The following SLC35F3 variants were observed in gnomAD, a reference collection of about 807,000 sequenced individuals.
SLC35F3 encodes the protein putative thiamine transporter SLC35F3.
In SLC35F3, 25 loss-of-function variants were observed where a neutral mutation model predicts 49.9. The observed-to-expected ratio is 0.50, with a 90% CI of 0.37 to 0.70. The LOEUF (loss-of-function observed/expected upper bound fraction) is 0.70, where lower values mean the gene tolerates loss of function less well. Among genes scored for constraint, SLC35F3 ranks in the 30% least tolerant of loss-of-function variants. The pLI, the probability that SLC35F3 is intolerant of heterozygous loss-of-function variation, is 0.00. For missense variants in SLC35F3, 525 were observed against 639.8 expected (o/e 0.82, Z 1.94); for synonymous variants, 275 against 265.4 (o/e 1.04, Z -0.35).
At chr1:234,091,813 G>C (rs1665047904) in intron 2 of SLC35F3, among the ~76,000 whole-genome samples, 1 of 152,152 alleles carries the variant, frequency 6.6e-6, no homozygotes, top group Non-Finnish European at 1.5e-5. Context: ...AGTTGTTTTA[G>C]TATCCATGGG....
chr1:234,285,497 T>G, intron 3 of SLC35F3: 1 of 385,512 alleles, frequency 2.6e-6, no homozygotes, highest in South Asian at 2.0e-5. Context: ...AATTTTGGGG[T>G]GCCATCTATG....
chr1:233,907,318 C>T (rs1444973236), intron 2 of SLC35F3, among the ~76,000 whole-genome samples: 1 of 152,208 alleles, frequency 6.6e-6, no homozygotes, highest in Non-Finnish European at 1.5e-5. Flanking sequence ...TGGAAGTTAT[C>T]ACCAAGGTTT....
At chr1:233,925,091 G>A (rs1323174845) in intron 2 of SLC35F3, among the ~76,000 whole-genome samples, 1 of 152,208 alleles carries the variant, frequency 6.6e-6, no homozygotes, top group East Asian at 1.9e-4. Context: ...GTGTGGTGCT[G>A]AGAAGAATGT....
intron 2 of SLC35F3, among the ~76,000 whole-genome samples, chr1:234,045,582 T>G (rs930409605): frequency 3.3e-5 from 5 of 152,150 alleles, no homozygotes; most frequent in Non-Finnish European, 5.9e-5. Context: ...CTCTAGAACT[T>G]GCACTTGTAA....
chr1:233,974,410 G>C (rs1040426883), intron 2 of SLC35F3, among the ~76,000 whole-genome samples: 5 of 151,944 alleles, frequency 3.3e-5, no homozygotes, highest in Non-Finnish European at 7.4e-5. Context: ...TCAAACTCCT[G>C]ACCTCAGGTG....
At chr1:234,204,999 C>T (rs1419411514) in intron 2 of SLC35F3, among the ~76,000 whole-genome samples, 1 of 152,236 alleles carries the variant, frequency 6.6e-6, no homozygotes, top group Non-Finnish European at 1.5e-5. Flanking sequence ...AGTGCAATTT[C>T]TTATGAATAC....
intron 2 of SLC35F3, among the ~76,000 whole-genome samples, chr1:234,130,184 G>T (rs917268037): frequency 2.6e-5 from 4 of 152,060 alleles, no homozygotes; most frequent in African/African-American, 9.7e-5. Context: ...CAAACAAGTT[G>T]ATTTTAAAAT....
intron 2 of SLC35F3, among the ~76,000 whole-genome samples, chr1:234,073,229 G>A (rs1664744062): frequency 6.6e-6 from 1 of 152,134 alleles, no homozygotes; most frequent in Admixed American, 6.5e-5. Flanking sequence ...CTGCAGCCTT[G>A]AACTCCTGGG....
intron 2 of SLC35F3, among the ~76,000 whole-genome samples, chr1:234,131,600 G>A (rs1027405063): frequency 2.6e-5 from 4 of 152,180 alleles, no homozygotes; most frequent in Non-Finnish European, 5.9e-5. Context: ...TCATACATCC[G>A]TCTGAGCTCA....
intron 4 of SLC35F3, among the ~76,000 whole-genome samples, chr1:234,310,612 A>T (rs554352161): frequency 5.9e-5 from 9 of 152,310 alleles, no homozygotes; most frequent in African/African-American, 2.2e-4. Context: ...GATGCTGAAG[A>T]TCTGAATGTC....
chr1:234,265,193 A>G (rs1195486505), intron 3 of SLC35F3, among the ~76,000 whole-genome samples: 1 of 152,184 alleles, frequency 6.6e-6, no homozygotes, highest in African/African-American at 2.4e-5. Context: ...GCAAGTAGAC[A>G]TCTCAAATAT....
At chr1:234,186,842 T>TC (rs1666650851) in intron 2 of SLC35F3, among the ~76,000 whole-genome samples, 1 of 152,166 alleles carries the variant, frequency 6.6e-6, no homozygotes, top group Non-Finnish European at 1.5e-5. Flanking sequence ...AGAGGCCCCA[T>TC]AGTGAGCCTG....
intron 2 of SLC35F3, among the ~76,000 whole-genome samples, chr1:234,151,659 C>G (rs1422148419): frequency 1.3e-5 from 2 of 151,956 alleles, no homozygotes. Flanking sequence ...AACGTAGCGT[C>G]GTGCCTTAAG....
intron 2 of SLC35F3, among the ~76,000 whole-genome samples, chr1:234,055,415 TA>T (rs1359210786): frequency 1.3e-5 from 2 of 152,196 alleles, no homozygotes; most frequent in African/African-American, 4.8e-5. Context: ...ACTGCTGTGC[TA>T]GCAGTGAGCA....
At chr1:234,181,338 G>GAAAAAAAAAAAAAAAAAAAAAAAAA (rs34757532) in intron 2 of SLC35F3, among the ~76,000 whole-genome samples, 3 of 97,312 alleles carry the variant, frequency 3.1e-5, no homozygotes, top group Non-Finnish European at 6.3e-5. Flanking sequence ...TCTGTCTCAA[G>GAAAAAAAAAAAAAAAAAAAAAAAAA]AAAAAAAAAA....
At chr1:234,291,383 C>A (rs1296447929) in intron 3 of SLC35F3, among the ~76,000 whole-genome samples, 4 of 152,174 alleles carry the variant, frequency 2.6e-5, no homozygotes, top group Admixed American at 2.6e-4. Flanking sequence ...AGGCCCTTGG[C>A]TAGAGCTTGG....
At chr1:233,923,589 G>A (rs111231970) in intron 2 of SLC35F3, among the ~76,000 whole-genome samples, 1 of 152,130 alleles carries the variant, frequency 6.6e-6, no homozygotes, top group African/African-American at 2.4e-5. Flanking sequence ...CATGTCATCT[G>A]CAAACAGGGA....
chr1:234,250,091 C>G (rs536641255), intron 3 of SLC35F3, among the ~76,000 whole-genome samples: 2 of 152,266 alleles, frequency 1.3e-5, no homozygotes, highest in South Asian at 4.2e-4. Flanking sequence ...ACCTTCTTTT[C>G]CACTGAATAT....
chr1:234,059,006 G>A (rs1028192370), intron 2 of SLC35F3, among the ~76,000 whole-genome samples: 2 of 152,052 alleles, frequency 1.3e-5, no homozygotes, highest in Non-Finnish European at 2.9e-5. Context: ...TTTCTGTAAA[G>A]TTGGCCTTAA....
Sources: gnomAD v4.1 joint callset for allele counts (sites outside exome capture counted in the v4.1 genomes callset) on GRCh38, gnomAD v4.1.1 for gene constraint, MANE v1.5 for transcripts, NCBI Gene and HGNC (gene_info 2026-07-23, HGNC 2026-07-21) for gene names.